NWD2: variants seen among roughly 807,000 people sequenced by gnomAD.
The protein encoded by NWD2 is NACHT and WD repeat domain containing 2.
Under a neutral mutation model 132.7 loss-of-function variants are expected in NWD2, and 37 were observed. The observed-to-expected ratio is 0.28, with a 90% confidence interval of 0.21 to 0.37. The LOEUF is 0.37. Among genes scored for constraint, NWD2 ranks in the 10% least tolerant of loss-of-function variants. The pLI, the probability that NWD2 is intolerant of heterozygous loss-of-function variation, is 1.00. For synonymous variants in NWD2, 705 were observed against 803.0 expected (o/e 0.88, Z 2.06); for missense variants, 1,592 against 2,122.4 (o/e 0.75, Z 4.91).
At chr4:37,296,076 C>A (rs541657422) in intron 1 of NWD2, among the ~76,000 whole-genome samples, 34 of 152,290 alleles carry the variant, frequency 2.2e-4, no homozygotes, top group African/African-American at 7.5e-4. Flanking sequence ...CTTGTTTCAG[C>A]TCTCATACCA....
intron 3 of NWD2, among the ~76,000 whole-genome samples, chr4:37,406,391 G>A (rs1314383759): frequency 6.6e-6 from 1 of 152,072 alleles, no homozygotes; most frequent in African/African-American, 2.4e-5. Context: ...CTTAAAAAAA[G>A]GATCTAGAAC....
chr4:37,280,033 T>C (rs1454380734), intron 1 of NWD2, among the ~76,000 whole-genome samples: 3 of 152,176 alleles, frequency 2.0e-5, no homozygotes, highest in Admixed American at 6.5e-5. Context: ...TTTAGAGTTT[T>C]CCCTTTATAT....
chr4:37,313,509 T>A (rs938583918), intron 1 of NWD2, among the ~76,000 whole-genome samples: 8 of 135,938 alleles, frequency 5.9e-5, no homozygotes, highest in African/African-American at 2.3e-4. Context: ...TCTAGTTGAT[T>A]CTTCTGTCTT....
At chr4:37,318,157 T>C (rs914604233) in intron 1 of NWD2, among the ~76,000 whole-genome samples, 9 of 151,842 alleles carry the variant, frequency 5.9e-5, no homozygotes, top group African/African-American at 2.2e-4. Context: ...TCCAAATAGC[T>C]GGGATTACAG....
At chr4:37,387,357 C>G (rs962010895) in intron 3 of NWD2, among the ~76,000 whole-genome samples, 1 of 151,942 alleles carries the variant, frequency 6.6e-6, no homozygotes, top group African/African-American at 2.4e-5. Flanking sequence ...TTATTTTATA[C>G]TCAACAGTAT....
At position 37,443,398 on chromosome 4, in the gene NWD2, T is replaced by G. The variant is rs1712537865; in HGVS notation, c.1410T>G (p.Val470=). The change falls in exon 7 of 7, where the codon GTT becomes GTG. Residue 470 remains valine, a synonymous_variant. Coordinates refer to ENST00000309447, the MANE Select transcript of NWD2 (RefSeq NM_001144990.2). The surrounding 1 kb of genome is among the most constrained non-coding windows in gnomAD (Gnocchi z 4.1). ...ACCTTAGGACTCTCCTTCTAAGTGT[T>G]TGTGAACAATTGGCAGTTAACTACC... The part of the protein sequence containing the change: ...SSDLRTLLLS[V]CEQLAVNYRC... The G allele has an allele frequency of 1.3e-6, 2 of 1,552,190 alleles. No homozygotes were observed. Among genetic ancestry groups the G allele is most frequent in the Non-Finnish European group, 1.7e-6 (2 of 1,147,102 alleles).
rs554769967 is a variant in NWD2, at chr4:37,306,704, G to T, written c.152-19232G>T. On this transcript the variant is annotated intron_variant, in intron 1 of 6. Transcript: ENST00000309447. ...TTTAAAATTTGTTAAGACTTGTTTTGCAGCCTACCATGTGATCTATCCTAA... is the reference window on the plus strand; with the variant it reads ...TTTAAAATTTGTTAAGACTTGTTTTTCAGCCTACCATGTGATCTATCCTAA... Among the ~76,000 whole-genome samples, 24 of 152,140 alleles carry T rather than the reference G, an allele frequency of 1.6e-4. 1 individual carries two copies. The South Asian group carries it at 5.0e-3, about 32-fold the overall frequency.
intron 3 of NWD2, among the ~76,000 whole-genome samples, chr4:37,429,123 A>G (rs930492769): frequency 3.3e-5 from 5 of 152,234 alleles, no homozygotes; most frequent in African/African-American, 1.2e-4. Context: ...TTTAATAAAA[A>G]ATAATAAACT....
rs184375612 is a variant in NWD2 at position 37,430,670 on chromosome 4, G to A, written c.456G>A (p.Leu152=). ...TGGATGCCGCCATAGAGGCAAAGCT[G>A]GAGACCAAGTTGCTGGAGGAGTGGT... The part of the protein sequence containing the change: ...MILDAAIEAK[L]ETKLLEEWYC... Residue 152 remains leucine, a synonymous_variant, in exon 4 of 7, where the codon CTG becomes CTA. Coordinates refer to ENST00000309447, the MANE Select transcript of NWD2 (RefSeq NM_001144990.2). The A allele has an allele frequency of 1.7e-3, 2,626 of 1,551,558 alleles. 4 individuals carry two copies. The highest frequency in any genetic ancestry group is 2.1e-3 in the Non-Finnish European group (2,431 of 1,146,856).
chr4:37,276,594 T>G (rs1281663897), intron 1 of NWD2, among the ~76,000 whole-genome samples: 1 of 150,886 alleles, frequency 6.6e-6, no homozygotes, highest in Non-Finnish European at 1.5e-5. Flanking sequence ...ATTACTGGAT[T>G]ATAAATCATG....
intron 1 of NWD2, among the ~76,000 whole-genome samples, chr4:37,288,232 G>T (rs1718277616): frequency 6.6e-6 from 1 of 152,198 alleles, no homozygotes; most frequent in Admixed American, 6.5e-5. Context: ...ATATACCTAT[G>T]TAACAACCCT....
At chr4:37,392,037 C>G (rs1056152710) in intron 3 of NWD2, among the ~76,000 whole-genome samples, 3 of 152,024 alleles carry the variant, frequency 2.0e-5, no homozygotes, top group African/African-American at 7.2e-5. Context: ...CCTGTCTCTA[C>G]TAAAAATACA....
intron 1 of NWD2, among the ~76,000 whole-genome samples, chr4:37,311,970 T>C (rs1342943527): frequency 1.3e-5 from 2 of 151,248 alleles, no homozygotes; most frequent in Non-Finnish European, 2.9e-5. Flanking sequence ...AGGGCTCTGC[T>C]CTGTTCCATT....
At chr4:37,261,562 A>G (rs1370296241) in intron 1 of NWD2, among the ~76,000 whole-genome samples, 3 of 152,236 alleles carry the variant, frequency 2.0e-5, no homozygotes, top group Non-Finnish European at 4.4e-5. Context: ...AGGGACTTCT[A>G]CATGCAAGAC....
intron 3 of NWD2, among the ~76,000 whole-genome samples, chr4:37,400,998 A>G (rs1720886021): frequency 1.3e-5 from 2 of 152,198 alleles, no homozygotes; most frequent in African/African-American, 4.8e-5. Context: ...TTGGAGTTGT[A>G]TAGTCATTTT....
chr4:37,337,399 TC>T (rs138467164), intron 2 of NWD2, among the ~76,000 whole-genome samples: 3,461 of 152,206 alleles, frequency 0.023, 95 homozygotes, highest in East Asian at 0.12. Context: ...CCCTTTTCCT[TC>T]CCTCTAAGAG....
chr4:37,337,267 TG>T (rs1270377725), intron 2 of NWD2, among the ~76,000 whole-genome samples: 1 of 152,206 alleles, frequency 6.6e-6, no homozygotes, highest in African/African-American at 2.4e-5. Flanking sequence ...CTCATCTTAG[TG>T]GGTGTCATAT....
chr4:37,335,136 G>T (rs1017105656), intron 2 of NWD2, among the ~76,000 whole-genome samples: 1 of 152,086 alleles, frequency 6.6e-6, no homozygotes, highest in Non-Finnish European at 1.5e-5. Context: ...TTGGCACAAT[G>T]TGCAAGTTCT....
chr4:37,410,149 C>T (rs1721125101), intron 3 of NWD2, among the ~76,000 whole-genome samples: 1 of 152,008 alleles, frequency 6.6e-6, no homozygotes. Flanking sequence ...CAAATTCACA[C>T]ATAATATTAC....
Sources: gnomAD v4.1 joint callset for allele counts (sites outside exome capture counted in the v4.1 genomes callset) on GRCh38, gnomAD v4.1.1 for gene constraint, Gnocchi (gnomAD v3.1) non-coding constraint, MANE v1.5 for transcripts, NCBI Gene and HGNC (gene_info 2026-07-23, HGNC 2026-07-21) for gene names.